Variants in HIVEP3 observed in about 807,000 individuals in gnomAD.
HIVEP3 encodes HIVEP zinc finger 3, also known as transcription factor HIVEP3.
HIVEP3 carries 49 observed loss-of-function variants against 152.8 expected under a neutral mutation model. That is an observed-to-expected ratio of 0.32 (90% CI 0.26 to 0.41). The LOEUF (loss-of-function observed/expected upper bound fraction) is 0.41. Among genes scored for constraint, HIVEP3 ranks in the 10% least tolerant of loss-of-function variants. HIVEP3 has a pLI of 1.00. For synonymous variants in HIVEP3, 1,269 were observed against 1,289.0 expected, an observed-to-expected ratio of 0.98 and a Z score of 0.33; for missense variants, 2,790 against 3,103.3, an observed-to-expected ratio of 0.90 and a Z score of 2.40.
intron 1 of HIVEP3, among the ~76,000 whole-genome samples, chr1:41,970,503 G>A (rs1332951920): frequency 6.6e-6 from 1 of 152,140 alleles, no homozygotes; most frequent in African/African-American, 2.4e-5. Context: ...CATAGATACA[G>A]GGAGGGAACA....
intron 1 of HIVEP3, among the ~76,000 whole-genome samples, chr1:41,927,490 C>G (rs1644973987): frequency 6.6e-6 from 1 of 152,188 alleles, no homozygotes. Context: ...TTATTACATT[C>G]ACCTAGGGTA....
At chr1:41,585,424 C>T (rs1644490077) in intron 3 of HIVEP3, 106 bp from the exon 4 acceptor site, 2 of 398,152 alleles carry the variant, frequency 5.0e-6, no homozygotes, top group Admixed American at 8.8e-5. Flanking sequence ...GGTGCCACAC[C>T]TGGCTGAGAC....
intron 1 of HIVEP3, among the ~76,000 whole-genome samples, chr1:41,897,959 G>C (rs796296077): frequency 1.2e-3 from 177 of 149,150 alleles, no homozygotes; most frequent in Non-Finnish European, 1.3e-3. Flanking sequence ...GAGAGAGAGA[G>C]AGAGAGAGAG....
intron 1 of HIVEP3, among the ~76,000 whole-genome samples, chr1:41,881,551 T>C (rs999251645): frequency 2.0e-5 from 3 of 152,220 alleles, no homozygotes; most frequent in Admixed American, 1.3e-4. Context: ...TTGAAAAAAA[T>C]TGCCAAAATG....
chr1:41,798,474 T>C (rs1650109896), intron 1 of HIVEP3, among the ~76,000 whole-genome samples: 2 of 152,170 alleles, frequency 1.3e-5, no homozygotes, highest in Non-Finnish European at 2.9e-5. Context: ...CATAAAGCCA[T>C]AGGCTGATGC....
At chr1:41,925,670 G>A (rs1644964325) in intron 1 of HIVEP3, among the ~76,000 whole-genome samples, 1 of 152,162 alleles carries the variant, frequency 6.6e-6, no homozygotes, top group South Asian at 2.1e-4. Context: ...GCAAAAGCTT[G>A]CCAACTCCTG....
At chr1:41,992,222 G>T (rs927173575) in intron 1 of HIVEP3, among the ~76,000 whole-genome samples, 3 of 152,008 alleles carry the variant, frequency 2.0e-5, no homozygotes, top group Admixed American at 2.0e-4. Context: ...CCTCTTTGCA[G>T]ATGACATGAT....
chr1:41,719,014 G>A (rs893736444), intron 1 of HIVEP3, among the ~76,000 whole-genome samples: 2 of 152,208 alleles, frequency 1.3e-5, no homozygotes, highest in Admixed American at 1.3e-4. Flanking sequence ...AACAGCCCAT[G>A]GCCAAGTGGG....
chr1:41,744,756 TA>T (rs201202614), intron 1 of HIVEP3, among the ~76,000 whole-genome samples: 2,213 of 152,272 alleles, frequency 0.015, 23 homozygotes, highest in Non-Finnish European at 0.018. Flanking sequence ...AACACATACA[TA>T]TCTAACATAT....
At chr1:41,783,378 AG>A (rs1649166703) in intron 1 of HIVEP3, among the ~76,000 whole-genome samples, 2 of 152,178 alleles carry the variant, frequency 1.3e-5, no homozygotes, top group Non-Finnish European at 1.5e-5. Flanking sequence ...ACTCAAAGAG[AG>A]GGGGTGGCAC....
At chr1:41,643,861 TC>T (rs1645416360) in intron 2 of HIVEP3, among the ~76,000 whole-genome samples, 2 of 33,976 alleles carry the variant, frequency 5.9e-5, no homozygotes, top group Non-Finnish European at 1.3e-4. Flanking sequence ...CCTCACCCCC[TC>T]CCCAAATTGT....
intron 1 of HIVEP3, among the ~76,000 whole-genome samples, chr1:41,949,929 G>A (rs188796927): frequency 4.1e-4 from 63 of 152,270 alleles, no homozygotes; most frequent in Non-Finnish European, 7.4e-4. Context: ...TCAGCAGGAA[G>A]CAGTTAGAGC....
At chr1:41,744,111 C>T (rs1320239984) in intron 1 of HIVEP3, among the ~76,000 whole-genome samples, 4 of 152,114 alleles carry the variant, frequency 2.6e-5, no homozygotes, top group East Asian at 1.9e-4. Context: ...GCGATCTTGA[C>T]TCACTGCAAC....
At chr1:41,780,213 G>T (rs1648959468) in intron 1 of HIVEP3, among the ~76,000 whole-genome samples, 2 of 150,706 alleles carry the variant, frequency 1.3e-5, no homozygotes, top group Admixed American at 6.6e-5. Flanking sequence ...TTCATGTTGT[G>T]CAGAGGCCCA....
chr1:41,776,684 T>C (rs541497691), intron 1 of HIVEP3, among the ~76,000 whole-genome samples: 1 of 152,380 alleles, frequency 6.6e-6, no homozygotes, highest in Admixed American at 6.5e-5. Flanking sequence ...ATAGCTGTTG[T>C]CTGCTTTCAG....
chr1:41,640,287 G>C (rs537344487), intron 2 of HIVEP3, among the ~76,000 whole-genome samples: 1 of 151,780 alleles, frequency 6.6e-6, no homozygotes, highest in African/African-American at 2.4e-5. Flanking sequence ...TTGGGGGGCG[G>C]GGGAAGGTAG....
chr1:41,514,479 C>T (rs1264448599), intron 7 of HIVEP3, among the ~76,000 whole-genome samples: 2 of 152,226 alleles, frequency 1.3e-5, no homozygotes, highest in African/African-American at 2.4e-5. Context: ...GTGGCTGGCA[C>T]AATGGCATCT....
rs974564206 is a variant in HIVEP3 at position 41,575,682 on chromosome 1, A to T, written c.5069T>A (p.Leu1690His). The T allele has an allele frequency of 5.6e-6, 9 of 1,613,828 alleles. No homozygotes were observed. In the African/African-American group the frequency reaches 1.2e-4, roughly 22 times the overall value. The part of the protein sequence containing the change: ...SRKPRMTEVH[L>H]PSLVSPEGQK... ...GCCTTCCGGGGAAACCAGTGAAGGG[A>T]GGTGAACCTGGCCCACCGCAGGAAT... Residue 1690 changes from leucine to histidine, a missense_variant, in exon 5 of 9, where the codon CTC (leucine) becomes CAC (histidine). Physicochemically the swap from Leu to His is moderately conservative, Grantham distance 99. Around this residue, in one of 9 missense-constraint regions of HIVEP3, gnomAD observed 1,078 missense variants for 1,165.3 expected, o/e 0.93. Transcript: ENST00000372583.
intron 5 of HIVEP3, among the ~76,000 whole-genome samples, chr1:41,568,034 G>A (rs1464751941): frequency 6.6e-6 from 1 of 152,196 alleles, no homozygotes; most frequent in East Asian, 1.9e-4. Context: ...CACATTGGAG[G>A]AAGATTCCTT....
Sources: gnomAD v4.1 joint callset for allele counts (sites outside exome capture counted in the v4.1 genomes callset) on GRCh38, gnomAD v4.1.1 for gene constraint, gnomAD v4.1.1 regional missense constraint, MANE v1.5 for transcripts, NCBI Gene and HGNC (gene_info 2026-07-23, HGNC 2026-07-21) for gene names.